RABEP1: variants seen among roughly 807,000 people sequenced by gnomAD.
The protein encoded by RABEP1 is rab GTPase-binding effector protein 1.
RABEP1 carries 51 observed loss-of-function variants against 123.4 expected under a neutral mutation model. The observed-to-expected ratio is 0.41, with a 90% confidence interval of 0.33 to 0.52. RABEP1 has a LOEUF of 0.52. Ranked by LOEUF, RABEP1 falls within the 20% of genes least tolerant of loss-of-function variation. The probability of loss-of-function intolerance (pLI) is 0.16; values close to 1 mark genes in which losing one functional copy is unlikely to be tolerated. For synonymous variants in RABEP1, 347 were observed against 355.2 expected, an observed-to-expected ratio of 0.98 and a Z score of 0.26; for missense variants, 888 against 996.3, an observed-to-expected ratio of 0.89 and a Z score of 1.46.
At chr17:5,351,405 T>C (rs1908541524) in intron 7 of RABEP1, among the ~76,000 whole-genome samples, 1 of 152,228 alleles carries the variant, frequency 6.6e-6, no homozygotes, top group Admixed American at 6.5e-5. Context: ...AAGATTGTTT[T>C]ACCATTTGGT....
chr17:5,349,516 C>G (rs16954560), intron 6 of RABEP1, among the ~76,000 whole-genome samples: 21,141 of 152,104 alleles, frequency 0.14, 1,547 homozygotes, highest in East Asian at 0.17. Context: ...TGAGTATCAA[C>G]AACACATACA....
chr17:5,381,246 GAT>G lies in RABEP1; in HGVS notation c.2371-141_2371-140del. 5.6e-6 allele frequency: 6 copies of G among 1,066,254 alleles called. No individual in the cohort carries two copies. In the South Asian group the frequency reaches 6.2e-5, roughly 11 times the overall value. The allele number at this position is 1,066,254 out of a possible 1,614,324, so 66.0% of individuals were successfully genotyped here. A position where few individuals can be genotyped will look rare whatever the true frequency, so the allele number is the denominator to read the frequency against. On this transcript the variant is annotated intron_variant, in intron 16 of 17. Coordinates refer to ENST00000537505, the MANE Select transcript of RABEP1 (RefSeq NM_004703.6). ...AGATGGCCTGCACGCTTGCCCTATA[GAT>G]AAAGAGATTGGTCGTGTATAGGAGT...
rs143013357 is a variant in RABEP1, at chr17:5,362,743, T to C, written c.1564-169T>C. Among the ~76,000 whole-genome samples, 41 of 152,304 alleles carry C rather than the reference T, an allele frequency of 2.7e-4. No individual in the cohort carries two copies. The East Asian group carries it at 7.1e-3, about 27-fold the overall frequency. The stretch of plus-strand genomic sequence containing the variant: ...TCCTATCATACTTGTACTGGAGAGT[T>C]TGATTTTTTAGAATCTGACCCTATA... On this transcript the variant is annotated intron_variant, in intron 9 of 17. Transcript: ENST00000537505.
chr17:5,286,850 A>G (rs1470794449), intron 1 of RABEP1, among the ~76,000 whole-genome samples: 2 of 152,196 alleles, frequency 1.3e-5, no homozygotes, highest in Admixed American at 6.5e-5. Context: ...AAAAAAGAAA[A>G]CAGAGCAGGA....
chr17:5,303,188 A>G (rs1597335782), intron 1 of RABEP1, among the ~76,000 whole-genome samples: 1 of 152,146 alleles, frequency 6.6e-6, no homozygotes, highest in East Asian at 1.9e-4. Flanking sequence ...ACTTCACTGA[A>G]TGAATATGTA....
chr17:5,357,131 C>T (rs887256019), intron 8 of RABEP1, among the ~76,000 whole-genome samples: 1 of 152,154 alleles, frequency 6.6e-6, no homozygotes, highest in African/African-American at 2.4e-5. Context: ...CCACCTCAGC[C>T]TCCCAAAGTG....
At chr17:5,328,172 C>CA (rs1481560101) in intron 2 of RABEP1, among the ~76,000 whole-genome samples, 1 of 152,136 alleles carries the variant, frequency 6.6e-6, no homozygotes, top group Non-Finnish European at 1.5e-5. Context: ...AAATTCCTGA[C>CA]AGTTGTTACC....
chr17:5,335,081 G>A (rs948967533), intron 3 of RABEP1, 103 bp from the exon 4 acceptor site: 72 of 955,646 alleles, frequency 7.5e-5, no homozygotes, highest in Non-Finnish European at 1.0e-4. Flanking sequence ...ACATTTTCCA[G>A]AAATTAGACG....
At chr17:5,310,371 G>C (rs954398917) in intron 2 of RABEP1, among the ~76,000 whole-genome samples, 1 of 143,624 alleles carries the variant, frequency 7.0e-6, no homozygotes, top group African/African-American at 2.6e-5. Flanking sequence ...CTGGAGTTCA[G>C]TGGCACTATC....
intron 1 of RABEP1, among the ~76,000 whole-genome samples, chr17:5,288,622 T>C (rs1477283004): frequency 6.6e-6 from 1 of 152,214 alleles, no homozygotes; most frequent in African/African-American, 2.4e-5. Flanking sequence ...CTCTAACTCC[T>C]GACCTCAGAT....
intron 7 of RABEP1, among the ~76,000 whole-genome samples, chr17:5,353,733 C>T (rs916278324): frequency 9.2e-5 from 14 of 151,980 alleles, no homozygotes; most frequent in Admixed American, 3.9e-4. Context: ...CCTGTGATCC[C>T]GGCTACACGA....
chr17:5,325,034 TG>T (rs1905832115), intron 2 of RABEP1, among the ~76,000 whole-genome samples: 1 of 152,148 alleles, frequency 6.6e-6, no homozygotes, highest in South Asian at 2.1e-4. Flanking sequence ...ATGAAATCGC[TG>T]GGCATGGTGG....
intron 12 of RABEP1, chr17:5,371,652 T>C (rs7215336): frequency 0.48 from 72,229 of 152,046 alleles, 18,547 homozygotes; most frequent in African/African-American, 0.68. Context: ...CTGCCTGTCT[T>C]AGGCCTGTTT....
At chr17:5,360,509 C>T (rs578018472) in intron 8 of RABEP1, among the ~76,000 whole-genome samples, 17 of 152,230 alleles carry the variant, frequency 1.1e-4, no homozygotes, top group South Asian at 4.1e-4. Flanking sequence ...TTGCAGTGAG[C>T]GGAGATCGCG....
In RABEP1 at chr17:5,319,010, A is replaced by G. The variant is rs145664518; in HGVS notation, c.163+10188A>G. 7.3e-4 allele frequency among the ~76,000 whole-genome samples: 111 copies of G among 152,272 alleles called. 1 individual carries two copies. In the East Asian group the frequency reaches 0.015, roughly 21 times the overall value. On this transcript the variant is annotated intron_variant, in intron 2 of 17. Transcript: ENST00000537505. ...GTATCAGAATACCACTTTGTACCCA[A>G]TACATATATACAATTACTATTTTTC...
At chr17:5,369,039 G>A (rs1910321155) in intron 12 of RABEP1, among the ~76,000 whole-genome samples, 2 of 152,128 alleles carry the variant, frequency 1.3e-5, no homozygotes, top group South Asian at 4.1e-4. Flanking sequence ...AACCTGGGAG[G>A]CTGAAGTTGC....
intron 7 of RABEP1, 150 bp downstream of exon 7, chr17:5,350,779 A>T (rs991448617): frequency 2.4e-5 from 21 of 860,260 alleles, no homozygotes; most frequent in Non-Finnish European, 3.7e-5. Flanking sequence ...TAACAGCTAC[A>T]TTTGAGGGGT....
chr17:5,317,529 G>C (rs978306720), intron 2 of RABEP1, among the ~76,000 whole-genome samples: 11 of 151,848 alleles, frequency 7.2e-5, no homozygotes, highest in African/African-American at 2.4e-4. Flanking sequence ...TGTACACTCT[G>C]ACCACTTCTG....
intron 2 of RABEP1, among the ~76,000 whole-genome samples, chr17:5,312,262 C>T (rs569989335): frequency 3.0e-4 from 45 of 152,334 alleles, no homozygotes; most frequent in African/African-American, 1.0e-3. Context: ...GATTCTCCTG[C>T]CTTAGCCTCC....
Sources: gnomAD v4.1 joint callset for allele counts (sites outside exome capture counted in the v4.1 genomes callset) on GRCh38, gnomAD v4.1.1 for gene constraint, MANE v1.5 for transcripts, NCBI Gene and HGNC (gene_info 2026-07-23, HGNC 2026-07-21) for gene names.